Variants in PLCB1 observed in about 807,000 individuals in gnomAD.
The protein encoded by PLCB1 is phospholipase C beta 1, also known as 1-phosphatidylinositol 4,5-bisphosphate phosphodiesterase beta-1.
A neutral mutation model predicts 161.8 loss-of-function variants in PLCB1; 46 were observed. The observed-to-expected ratio is 0.28, with a 90% confidence interval of 0.22 to 0.36. PLCB1 has a LOEUF of 0.36. Ranked by LOEUF, PLCB1 falls within the 10% of genes least tolerant of loss-of-function variation. The pLI is 1.00. For missense variants in PLCB1, 1,016 were observed against 1,472.5 expected (o/e 0.69, Z 5.07); for synonymous variants, 517 against 503.7 (o/e 1.03, Z -0.35).
intron 1 of PLCB1, among the ~76,000 whole-genome samples, chr20:8,143,342 T>G (rs142764990): frequency 3.4e-4 from 52 of 152,298 alleles, no homozygotes; most frequent in Non-Finnish European, 6.6e-4. Context: ...CAACCCCAAC[T>G]GATGTTTTTC....
intron 2 of PLCB1, among the ~76,000 whole-genome samples, chr20:8,280,031 A>T (rs534011788): frequency 1.3e-5 from 2 of 152,178 alleles, no homozygotes; most frequent in Non-Finnish European, 2.9e-5. Context: ...TGTGTGTTAC[A>T]TATCACAATA....
intron 2 of PLCB1, among the ~76,000 whole-genome samples, chr20:8,316,900 T>A (rs1381395571): frequency 1.3e-5 from 2 of 152,186 alleles, no homozygotes; most frequent in Non-Finnish European, 1.5e-5. Context: ...TCATAAAAAA[T>A]TTATTTATTT....
chr20:8,182,560 TCA>T, intron 2 of PLCB1, among the ~76,000 whole-genome samples: 1 of 151,296 alleles, frequency 6.6e-6, no homozygotes, highest in Non-Finnish European at 1.5e-5. Context: ...TGCCAGTTGA[TCA>T]CAGTTGATTA....
chr20:8,811,092 G>A lies in PLCB1; in HGVS notation c.3423+20831G>A, dbSNP rs141960804. ...CAAACAAACCCAGAGGAAAAGCAGTGCATGAGTATGAAGGGCATGATCCCC... is the reference window on the plus strand; with the variant it reads ...CAAACAAACCCAGAGGAAAAGCAGTACATGAGTATGAAGGGCATGATCCCC... On this transcript the variant is annotated intron_variant, in intron 31 of 31. Transcript: ENST00000338037. Among the ~76,000 whole-genome samples the A allele has an allele frequency of 1.9e-3, 288 of 152,338 alleles. 2 individuals carry two copies. Among genetic ancestry groups the A allele is most frequent in the African/African-American group, 6.8e-3 (281 of 41,582 alleles).
At chr20:8,819,664 G>A (rs1033283295) in intron 31 of PLCB1, among the ~76,000 whole-genome samples, 3 of 151,928 alleles carry the variant, frequency 2.0e-5, no homozygotes, top group Admixed American at 6.6e-5. Flanking sequence ...GACCCACCCC[G>A]CCCAGATACC....
chr20:8,567,710 G>C (rs1986381634), intron 3 of PLCB1, among the ~76,000 whole-genome samples: 1 of 151,654 alleles, frequency 6.6e-6, no homozygotes, highest in Non-Finnish European at 1.5e-5. Context: ...CTCTAGCCTG[G>C]GCAACATAGC....
At chr20:8,562,924 A>G (rs1299682467) in intron 3 of PLCB1, among the ~76,000 whole-genome samples, 1 of 152,022 alleles carries the variant, frequency 6.6e-6, no homozygotes, top group Non-Finnish European at 1.5e-5. Context: ...TGAAGCACAC[A>G]CTCACTTTTT....
intron 3 of PLCB1, 35 bp downstream of exon 3, chr20:8,371,485 T>G: frequency 7.0e-7 from 1 of 1,426,748 alleles, no homozygotes; most frequent in African/African-American, 1.4e-5. Flanking sequence ...CACCAGATGC[T>G]GCCTTGATTG....
chr20:8,168,867 A>T (rs1425344407), intron 2 of PLCB1, among the ~76,000 whole-genome samples: 1 of 152,068 alleles, frequency 6.6e-6, no homozygotes, highest in Admixed American at 6.6e-5. Context: ...CAGAAAAATG[A>T]TGATGGGAAA....
intron 12 of PLCB1, among the ~76,000 whole-genome samples, chr20:8,713,896 CT>C (rs1287803413): frequency 1.3e-5 from 2 of 152,092 alleles, no homozygotes; most frequent in East Asian, 3.9e-4. Context: ...TGGGGACTTC[CT>C]GACAGAGGAC....
At chr20:8,846,259 T>C (rs1049053249) in intron 31 of PLCB1, among the ~76,000 whole-genome samples, 1 of 150,816 alleles carries the variant, frequency 6.6e-6, no homozygotes, top group African/African-American at 2.5e-5. Context: ...TCACTCACTA[T>C]TATGAGAACA....
At chr20:8,515,932 G>T (rs1318814277) in intron 3 of PLCB1, among the ~76,000 whole-genome samples, 5 of 152,154 alleles carry the variant, frequency 3.3e-5, no homozygotes, top group African/African-American at 1.2e-4. Flanking sequence ...AGGTTTAATG[G>T]ATTCTACATG....
chr20:8,479,459 A>G (rs1166762028), intron 3 of PLCB1, among the ~76,000 whole-genome samples: 1 of 152,234 alleles, frequency 6.6e-6, no homozygotes, highest in Non-Finnish European at 1.5e-5. Flanking sequence ...CTATTAACTG[A>G]CAATGGAAAG....
chr20:8,555,002 T>G (rs1382027175), intron 3 of PLCB1, among the ~76,000 whole-genome samples: 4 of 152,122 alleles, frequency 2.6e-5, no homozygotes, highest in East Asian at 1.9e-4. Flanking sequence ...AAGATTTTTT[T>G]GGGAGGAAGG....
At chr20:8,271,077 T>C (rs1483813138) in intron 2 of PLCB1, among the ~76,000 whole-genome samples, 1 of 152,146 alleles carries the variant, frequency 6.6e-6, no homozygotes, top group Non-Finnish European at 1.5e-5. Context: ...TGGCTGTGTG[T>C]TGATTTCTGT....
At chr20:8,618,007 C>T (rs1988080810) in intron 3 of PLCB1, among the ~76,000 whole-genome samples, 2 of 152,056 alleles carry the variant, frequency 1.3e-5, no homozygotes, top group African/African-American at 4.8e-5. Context: ...TTTGAATTCT[C>T]TTCATATAAA....
intron 3 of PLCB1, among the ~76,000 whole-genome samples, chr20:8,572,453 G>T (rs1021853075): frequency 6.6e-6 from 1 of 152,154 alleles, no homozygotes; most frequent in African/African-American, 2.4e-5. Flanking sequence ...TGCTATTTCT[G>T]CATTTGAAGC....
chr20:8,851,328 A>G (rs553028877), intron 31 of PLCB1, among the ~76,000 whole-genome samples: 1 of 152,272 alleles, frequency 6.6e-6, no homozygotes, highest in Non-Finnish European at 1.5e-5. Flanking sequence ...GCATTTAATA[A>G]CTGCTAATTT....
intron 3 of PLCB1, among the ~76,000 whole-genome samples, chr20:8,392,497 C>T (rs1987637977): frequency 6.6e-6 from 1 of 152,082 alleles, no homozygotes; most frequent in Admixed American, 6.6e-5. Context: ...ATGGAATAAC[C>T]TGGGTAGAGT....
Sources: gnomAD v4.1 joint callset for allele counts (sites outside exome capture counted in the v4.1 genomes callset) on GRCh38, gnomAD v4.1.1 for gene constraint, MANE v1.5 for transcripts, NCBI Gene and HGNC (gene_info 2026-07-23, HGNC 2026-07-21) for gene names.